Variants in HPSE2 observed in about 807,000 individuals in gnomAD.
HPSE2 encodes the protein inactive heparanase-2.
A neutral mutation model predicts 60.5 loss-of-function variants in HPSE2; 38 were observed. The ratio of observed to expected loss-of-function variants is 0.63; its 90% CI spans 0.48 to 0.82. HPSE2 has a LOEUF of 0.82. HPSE2 is among the 40% of genes least tolerant of loss of function. The probability of loss-of-function intolerance (pLI) is 0.00; values close to 1 mark genes in which losing one functional copy is unlikely to be tolerated. For synonymous variants in HPSE2, 295 were observed against 293.2 expected (o/e 1.01, Z -0.06); for missense variants, 713 against 740.4 (o/e 0.96, Z 0.43).
chr10:99,221,194 G>A (rs574409660), intron 2 of HPSE2, among the ~76,000 whole-genome samples: 1 of 152,260 alleles, frequency 6.6e-6, no homozygotes, highest in South Asian at 2.1e-4. Context: ...GAGTATTCAT[G>A]TGCATGCATT....
At chr10:99,291,251 A>G in the HPSE2 span, among the ~76,000 whole-genome samples, 7 of 152,122 alleles carry the variant, frequency 4.6e-5, no homozygotes, top group African/African-American at 1.7e-4. Flanking sequence ...TCTGGTCTTC[A>G]TTTGCTTCTC....
chr10:98,525,381 G>T (rs371780835), intron 9 of HPSE2, among the ~76,000 whole-genome samples: 168 of 152,194 alleles, frequency 1.1e-3, no homozygotes, highest in African/African-American at 3.9e-3. Context: ...ACAACTCTTC[G>T]CCATCACAAC....
chr10:98,909,326 T>G (rs891582077), intron 3 of HPSE2, among the ~76,000 whole-genome samples: 1 of 152,072 alleles, frequency 6.6e-6, no homozygotes, highest in African/African-American at 2.4e-5. Context: ...CAACTGGTAT[T>G]CAAAAAAGTT....
At chr10:98,603,629 C>T (rs1945496335) in intron 9 of HPSE2, among the ~76,000 whole-genome samples, 1 of 151,932 alleles carries the variant, frequency 6.6e-6, no homozygotes, top group Admixed American at 6.6e-5. Flanking sequence ...GGGGTTTCAC[C>T]ATGTTGGGCA....
chr10:99,310,246 A>C, the HPSE2 span, among the ~76,000 whole-genome samples: 4 of 152,218 alleles, frequency 2.6e-5, no homozygotes, highest in African/African-American at 9.6e-5. Context: ...TTTCTAAATA[A>C]GGTAACATTT....
chr10:99,298,118 C>G, the HPSE2 span, among the ~76,000 whole-genome samples: 1 of 152,160 alleles, frequency 6.6e-6, no homozygotes, highest in African/African-American at 2.4e-5. Context: ...TTTTCAGTGT[C>G]TCTGCTACTG....
At chr10:99,299,335 G>A in the HPSE2 span, among the ~76,000 whole-genome samples, 1 of 152,244 alleles carries the variant, frequency 6.6e-6, no homozygotes, top group Admixed American at 6.5e-5. Context: ...GTCTACTGCA[G>A]GAGGCAGCTG....
chr10:98,873,217 T>C (rs955107610), intron 3 of HPSE2, among the ~76,000 whole-genome samples: 7 of 152,118 alleles, frequency 4.6e-5, no homozygotes, highest in African/African-American at 1.7e-4. Context: ...TAGTTTCTTT[T>C]TTTAATTTGT....
intron 3 of HPSE2, among the ~76,000 whole-genome samples, chr10:98,936,066 G>A (rs1348463124): frequency 6.9e-6 from 1 of 144,394 alleles, no homozygotes; most frequent in Non-Finnish European, 1.5e-5. Context: ...GGAGAATTCT[G>A]CCCAGTCCAA....
At chr10:99,015,415 A>C (rs1330496409) in intron 3 of HPSE2, among the ~76,000 whole-genome samples, 1 of 152,258 alleles carries the variant, frequency 6.6e-6, no homozygotes, top group East Asian at 1.9e-4. Context: ...CTTGGAACGA[A>C]ACCAAATGTC....
At position 99,126,534 on chromosome 10, in the gene HPSE2, A is replaced by G. The variant is rs1845170855; in HGVS notation, c.610+17704T>C. Among the ~76,000 whole-genome samples, 2 of 152,164 alleles carry G rather than the reference A, an allele frequency of 1.3e-5. No individual in the cohort carries two copies. Among genetic ancestry groups the G allele is most frequent in the Non-Finnish European group, 2.9e-5 (2 of 68,030 alleles). Reference sequence around the variant, plus strand: ...AGTGCCACCTTCTGGCTGGAGGTCAACCAACTCAGGCCATTACAACAACTC... The same window carrying G: ...AGTGCCACCTTCTGGCTGGAGGTCAGCCAACTCAGGCCATTACAACAACTC... On this transcript the variant is annotated intron_variant, in intron 3 of 11. Transcript: ENST00000370552. The surrounding 1 kb of genome is among the most constrained non-coding windows in gnomAD (Gnocchi z 4.0).
chr10:98,641,802 T>C (rs1181444218), intron 7 of HPSE2, 45 bp downstream of exon 7: 18 of 1,403,426 alleles, frequency 1.3e-5, no homozygotes, highest in Non-Finnish European at 8.1e-6. Context: ...TTCCTTGTCT[T>C]ACCCCCAGAA....
At chr10:98,530,689 A>G (rs969489948) in intron 9 of HPSE2, among the ~76,000 whole-genome samples, 13 of 152,210 alleles carry the variant, frequency 8.5e-5, no homozygotes, top group Non-Finnish European at 1.5e-4. Flanking sequence ...GACTGGCTCC[A>G]GGATTGCAGC....
At chr10:98,653,765 T>C (rs1021586290) in intron 6 of HPSE2, among the ~76,000 whole-genome samples, 1 of 152,010 alleles carries the variant, frequency 6.6e-6, no homozygotes, top group Non-Finnish European at 1.5e-5. Flanking sequence ...AAAATAAAAT[T>C]TTTATTTTAC....
At chr10:99,154,708 C>A (rs979348998) in intron 2 of HPSE2, among the ~76,000 whole-genome samples, 15 of 150,808 alleles carry the variant, frequency 9.9e-5, no homozygotes, top group Admixed American at 3.3e-4. Flanking sequence ...CGAGCAAAAT[C>A]ACCAGCTAAC....
intron 3 of HPSE2, among the ~76,000 whole-genome samples, chr10:98,829,389 G>A (rs1253800178): frequency 6.6e-6 from 1 of 151,992 alleles, no homozygotes; most frequent in Non-Finnish European, 1.5e-5. Flanking sequence ...TTAGCCAGGT[G>A]TGGTGGCGTG....
At chr10:99,188,526 G>A (rs1848111571) in intron 2 of HPSE2, among the ~76,000 whole-genome samples, 1 of 152,100 alleles carries the variant, frequency 6.6e-6, no homozygotes, top group Non-Finnish European at 1.5e-5. Flanking sequence ...CATTCACAGG[G>A]TAATTCCTCG....
rs547397269 is a variant in HPSE2 at position 98,722,202 on chromosome 10, A to C, written c.785-374T>G. 9.6e-4 allele frequency among the ~76,000 whole-genome samples: 143 copies of C among 148,852 alleles called. 1 individual carries two copies. The highest frequency in any genetic ancestry group is 3.4e-3 in the African/African-American group (137 of 40,226). Reference sequence around the variant, plus strand: ...AGGATCTCTGAAGATATAATTAGTTATGATAAGGTCATACTAGATTACAGT... The same window carrying C: ...AGGATCTCTGAAGATATAATTAGTTCTGATAAGGTCATACTAGATTACAGT... On this transcript the variant is annotated intron_variant, in intron 4 of 11. Coordinates refer to ENST00000370552, the MANE Select transcript of HPSE2 (RefSeq NM_021828.5).
intron 3 of HPSE2, among the ~76,000 whole-genome samples, chr10:98,914,307 T>C (rs1232102644): frequency 6.6e-6 from 1 of 152,106 alleles, no homozygotes; most frequent in Non-Finnish European, 1.5e-5. Flanking sequence ...ATTGTGAGGC[T>C]TCCCCAGCCA....
Sources: gnomAD v4.1 joint callset for allele counts (sites outside exome capture counted in the v4.1 genomes callset) on GRCh38, gnomAD v4.1.1 for gene constraint, Gnocchi (gnomAD v3.1) non-coding constraint, MANE v1.5 for transcripts, NCBI Gene and HGNC (gene_info 2026-07-23, HGNC 2026-07-21) for gene names.